Variants in PIP4K2A observed in about 807,000 individuals in gnomAD.
PIP4K2A encodes phosphatidylinositol-5-phosphate 4-kinase type 2 alpha.
In PIP4K2A, 14 loss-of-function variants were observed where a neutral mutation model predicts 42.9. The observed-to-expected ratio is 0.33, with a 90% CI of 0.22 to 0.51. The LOEUF is 0.51. Ranked by LOEUF, PIP4K2A falls within the 20% of genes least tolerant of loss-of-function variation. The pLI, the probability that PIP4K2A is intolerant of heterozygous loss-of-function variation, is 0.97. For missense variants in PIP4K2A, 434 were observed against 519.8 expected (o/e 0.83, Z 1.61); for synonymous variants, 192 against 192.2 (o/e 1.00, Z 0.01).
At chr10:22,559,057 G>A (rs190636685) in intron 6 of PIP4K2A, among the ~76,000 whole-genome samples, 115 of 152,272 alleles carry the variant, frequency 7.6e-4, no homozygotes, top group Admixed American at 1.3e-3. Context: ...TAGGACCTAC[G>A]GGATGGCTTC....
chr10:22,665,605 CTTTTTTTTT>C lies in PIP4K2A; in HGVS notation c.144+48569_144+48577del, dbSNP rs34262297. On this transcript the variant is annotated intron_variant, in intron 1 of 9. Coordinates refer to ENST00000376573, the MANE Select transcript of PIP4K2A (RefSeq NM_005028.5). The stretch of plus-strand genomic sequence containing the variant: ...TACAGAGGTGCACCACCACACCTGG[CTTTTTTTTT>C]TTTTTTTTTTTTTAAGAAAAAAGTA... Among the ~76,000 whole-genome samples, 274 of 115,006 alleles carry C rather than the reference CTTTTTTTTT, an allele frequency of 2.4e-3. 2 individuals carry two copies. Among genetic ancestry groups the C allele is most frequent in the African/African-American group, 7.8e-3 (244 of 31,110 alleles). 75.4% of individuals were successfully genotyped at this position (115,006 alleles called of 152,430 possible). A position where few individuals can be genotyped will look rare whatever the true frequency, so the allele number is the denominator to read the frequency against.
At chr10:22,590,689 C>T (rs777326101) in intron 4 of PIP4K2A, among the ~76,000 whole-genome samples, 1 of 152,066 alleles carries the variant, frequency 6.6e-6, no homozygotes, top group Non-Finnish European at 1.5e-5. Flanking sequence ...CATAGCAAAA[C>T]TCCACCTCTA....
At chr10:22,641,128 A>G (rs1177914594) in intron 1 of PIP4K2A, among the ~76,000 whole-genome samples, 4 of 152,182 alleles carry the variant, frequency 2.6e-5, no homozygotes, top group African/African-American at 9.7e-5. Flanking sequence ...CCTATGACAT[A>G]TGATGCTGCA....
intron 4 of PIP4K2A, among the ~76,000 whole-genome samples, chr10:22,591,076 A>G (rs1333125604): frequency 6.6e-6 from 1 of 152,364 alleles, no homozygotes; most frequent in Non-Finnish European, 1.5e-5. Context: ...GCTGCTCCCA[A>G]GGATGGTCTA....
chr10:22,589,557 A>T (rs1406278697), intron 4 of PIP4K2A, among the ~76,000 whole-genome samples: 1 of 152,264 alleles, frequency 6.6e-6, no homozygotes, highest in African/African-American at 2.4e-5. Context: ...AATATAGCTC[A>T]AAGATTTTTA....
chr10:22,681,268 C>G (rs78538602), intron 1 of PIP4K2A, among the ~76,000 whole-genome samples: 21 of 152,188 alleles, frequency 1.4e-4, no homozygotes, highest in Middle Eastern at 6.8e-3. Context: ...TGATGTCAAC[C>G]TGACTTCTAG....
At chr10:22,683,623 C>T (rs1479593211) in intron 1 of PIP4K2A, among the ~76,000 whole-genome samples, 2 of 152,162 alleles carry the variant, frequency 1.3e-5, no homozygotes, top group Non-Finnish European at 2.9e-5. Context: ...CTTTCCCCCT[C>T]AAGCAGCAAC....
At chr10:22,675,803 G>A (rs538159843) in intron 1 of PIP4K2A, among the ~76,000 whole-genome samples, 1 of 152,310 alleles carries the variant, frequency 6.6e-6, no homozygotes, top group African/African-American at 2.4e-5. Flanking sequence ...GGCAGGAGGT[G>A]CTGAAGCCTG....
At chr10:22,579,304 G>C (rs1173073651) in intron 4 of PIP4K2A, among the ~76,000 whole-genome samples, 1 of 152,174 alleles carries the variant, frequency 6.6e-6, no homozygotes, top group Non-Finnish European at 1.5e-5. Context: ...TTTGAGGAAA[G>C]GGGTGGAGCA....
chr10:22,614,835 C>T lies in PIP4K2A; in HGVS notation c.145-5118G>A, dbSNP rs780016444. 1.2e-3 allele frequency among the ~76,000 whole-genome samples: 190 copies of T among 152,280 alleles called. 2 individuals are homozygous for T. The highest frequency in any genetic ancestry group is 0.01 in the Middle Eastern group (3 of 294). On this transcript the variant is annotated intron_variant, in intron 1 of 9. Transcript: ENST00000376573. The stretch of plus-strand genomic sequence containing the variant: ...CTCTTACCCAAACTAAAATATATTG[C>T]TTGTCTCTAGTTCAAATTTTGGTGC...
At chr10:22,603,839 C>T (rs761459960) in intron 3 of PIP4K2A, among the ~76,000 whole-genome samples, 13 of 152,136 alleles carry the variant, frequency 8.5e-5, no homozygotes, top group Non-Finnish European at 1.3e-4. Context: ...TAAAGTATGA[C>T]GATGGATATC....
chr10:22,597,356 T>C (rs1038081063), intron 3 of PIP4K2A, among the ~76,000 whole-genome samples: 7 of 152,194 alleles, frequency 4.6e-5, no homozygotes, highest in African/African-American at 1.7e-4. Flanking sequence ...CTGTTGACTG[T>C]GGTGACGATG....
intron 1 of PIP4K2A, among the ~76,000 whole-genome samples, chr10:22,664,224 T>TAC (rs1554807340): frequency 1.9e-5 from 1 of 52,736 alleles, no homozygotes; most frequent in African/African-American, 8.1e-5. Context: ...TATACATATA[T>TAC]ATATACACAC....
chr10:22,586,503 A>C (rs1837397576), intron 4 of PIP4K2A, among the ~76,000 whole-genome samples: 1 of 152,222 alleles, frequency 6.6e-6, no homozygotes, highest in South Asian at 2.1e-4. Context: ...TATTTAATTA[A>C]AAATCTTATT....
chr10:22,573,969 G>A (rs1465325383), intron 4 of PIP4K2A, among the ~76,000 whole-genome samples: 1 of 149,828 alleles, frequency 6.7e-6, no homozygotes, highest in Non-Finnish European at 1.5e-5. Flanking sequence ...CAGGGGAGAA[G>A]GGGGCAACCC....
chr10:22,699,472 C>G (rs917707725), intron 1 of PIP4K2A, among the ~76,000 whole-genome samples: 2 of 151,830 alleles, frequency 1.3e-5, no homozygotes, highest in African/African-American at 2.4e-5. Context: ...AGGGAGACAA[C>G]TGAACACACT....
intron 3 of PIP4K2A, among the ~76,000 whole-genome samples, chr10:22,597,307 G>T (rs1046157306): frequency 1.3e-5 from 2 of 152,174 alleles, no homozygotes; most frequent in African/African-American, 4.8e-5. Flanking sequence ...CGTAACACAG[G>T]GCTGAAGGAG....
chr10:22,575,929 C>T (rs113859963), intron 4 of PIP4K2A, among the ~76,000 whole-genome samples: 8,404 of 151,060 alleles, frequency 0.056, 610 homozygotes, highest in African/African-American at 0.17. Flanking sequence ...CAGAGCAAGA[C>T]GCCATCTCAA....
intron 1 of PIP4K2A, among the ~76,000 whole-genome samples, chr10:22,639,189 A>G (rs1838727182): frequency 1.3e-5 from 2 of 152,206 alleles, no homozygotes; most frequent in African/African-American, 4.8e-5. Context: ...CAATTAGCCA[A>G]TAAAATCCAA....
Sources: gnomAD v4.1 joint callset for allele counts (sites outside exome capture counted in the v4.1 genomes callset) on GRCh38, gnomAD v4.1.1 for gene constraint, MANE v1.5 for transcripts, NCBI Gene and HGNC (gene_info 2026-07-23, HGNC 2026-07-21) for gene names.